The following UXS1 variants were observed in gnomAD, a reference collection of about 807,000 sequenced individuals.
UXS1 encodes the protein UDP-glucuronate decarboxylase 1.
UXS1 carries 33 observed loss-of-function variants against 62.6 expected under a neutral mutation model. The ratio of observed to expected loss-of-function variants is 0.53; its 90% CI spans 0.40 to 0.70. The LOEUF is 0.70. UXS1 is among the 30% of genes least tolerant of loss of function. UXS1 has a pLI of 0.00. For synonymous variants in UXS1, 213 were observed against 206.8 expected, an observed-to-expected ratio of 1.03 and a Z score of -0.26; for missense variants, 434 against 556.3, an observed-to-expected ratio of 0.78 and a Z score of 2.21.
rs373615767 is a variant in UXS1 at position 106,123,078 on chromosome 2, G to A, written c.651C>T (p.His217=). Residue 217 remains histidine (H), a synonymous_variant, in exon 9 of 15, where the codon CAC becomes CAT. Coordinates refer to ENST00000283148, the MANE Select transcript of UXS1 (RefSeq NM_001253875.2). ...GGCCCCAGTAATCCTCACTTTGAGG[G>A]TGGACTTCAGGATCTACGATGGGAG... ...TSEVYGDPEV[H]PQSEDYWGHV... is the part of the protein sequence containing the mutation. 4.3e-6 allele frequency: 7 copies of A among 1,613,898 alleles called. No homozygotes were observed. Among genetic ancestry groups the A allele is most frequent in the Non-Finnish European group, 5.9e-6 (7 of 1,179,816 alleles).
chr2:106,140,845 A>G (rs1681043757), intron 6 of UXS1, among the ~76,000 whole-genome samples: 1 of 152,170 alleles, frequency 6.6e-6, no homozygotes. Flanking sequence ...CCACGACACA[A>G]TGCACATTTC....
chr2:106,126,273 T>C (rs1212378453), intron 7 of UXS1, among the ~76,000 whole-genome samples: 1 of 152,208 alleles, frequency 6.6e-6, no homozygotes, highest in East Asian at 1.9e-4. Context: ...TTATCTATGG[T>C]GGTCAAGTAA....
chr2:106,098,898 G>GTGC, intron 12 of UXS1, 125 bp from the exon 13 acceptor site: 5 of 787,152 alleles, frequency 6.4e-6, no homozygotes, highest in Non-Finnish European at 1.1e-5. Flanking sequence ...TGCTTCAGCA[G>GTGC]AGCTCCGTGT....
chr2:106,165,515 T>C (rs116283703), intron 2 of UXS1, among the ~76,000 whole-genome samples: 1,685 of 152,222 alleles, frequency 0.011, 21 homozygotes, highest in Non-Finnish European at 0.018. Context: ...CTGATTTTTT[T>C]AAAGGCTATT....
At chr2:106,111,840 T>C (rs557676096) in intron 10 of UXS1, among the ~76,000 whole-genome samples, 4 of 151,636 alleles carry the variant, frequency 2.6e-5, no homozygotes, top group Non-Finnish European at 4.4e-5. Flanking sequence ...TCGACTCGAG[T>C]CCCACAAAAT....
At chr2:106,120,942 T>C (rs953852588) in intron 9 of UXS1, among the ~76,000 whole-genome samples, 2 of 152,206 alleles carry the variant, frequency 1.3e-5, no homozygotes, top group Non-Finnish European at 2.9e-5. Flanking sequence ...CACGGGGGGC[T>C]TCTAACAGGT....
chr2:106,175,002 C>T (rs994135830), intron 1 of UXS1, among the ~76,000 whole-genome samples: 1 of 152,192 alleles, frequency 6.6e-6, no homozygotes, highest in African/African-American at 2.4e-5. Context: ...AATCCCCCAT[C>T]CTCAATGCCA....
At chr2:106,145,049 T>C (rs1416626310) in intron 6 of UXS1, 141 bp downstream of exon 6, 11 of 916,636 alleles carry the variant, frequency 1.2e-5, no homozygotes, top group Non-Finnish European at 1.3e-5. Flanking sequence ...CGGCACCTCA[T>C]ACATATTGAG....
chr2:106,186,457 T>TATAC (rs375660148), intron 1 of UXS1, among the ~76,000 whole-genome samples: 4 of 148,802 alleles, frequency 2.7e-5, no homozygotes, highest in Non-Finnish European at 4.4e-5. Context: ...TATATATATA[T>TATAC]ACACACACAC....
chr2:106,182,569 G>A lies in UXS1; in HGVS notation c.94+11579C>T, dbSNP rs10198687. 2.1e-3 allele frequency among the ~76,000 whole-genome samples: 324 copies of A among 152,194 alleles called. 2 individuals are homozygous for A. Among genetic ancestry groups the A allele is most frequent in the African/African-American group, 7.7e-3 (318 of 41,510 alleles). On this transcript the variant is annotated intron_variant, in intron 1 of 14. Coordinates refer to ENST00000283148, the MANE Select transcript of UXS1 (RefSeq NM_001253875.2). Reference sequence around the variant, plus strand: ...TTTTGTGTTCAAAAAGGGCAGAGAGGGAAAGAAGGTGAGAGAGGGATCTAG... The same window carrying A: ...TTTTGTGTTCAAAAAGGGCAGAGAGAGAAAGAAGGTGAGAGAGGGATCTAG...
chr2:106,100,739 C>CCCG, intron 12 of UXS1: 1 of 273,668 alleles, frequency 3.7e-6, no homozygotes, highest in Non-Finnish European at 6.9e-6. Flanking sequence ...ATAATGATGA[C>CCCG]CCGCCTGTTA....
intron 1 of UXS1, among the ~76,000 whole-genome samples, chr2:106,169,823 CT>C (rs1184264952): frequency 6.6e-6 from 1 of 152,178 alleles, no homozygotes; most frequent in African/African-American, 2.4e-5. Context: ...GCCCTTTCCC[CT>C]TGCCCACTGC....
At chr2:106,178,620 G>A (rs540601963) in intron 1 of UXS1, among the ~76,000 whole-genome samples, 1 of 152,206 alleles carries the variant, frequency 6.6e-6, no homozygotes, top group South Asian at 2.1e-4. Context: ...ATGTGTGTGT[G>A]TATATATGTT....
At position 106,185,360 on chromosome 2, in the gene UXS1, T is replaced by A. The variant is rs1290372815; in HGVS notation, c.94+8788A>T. Among the ~76,000 whole-genome samples the A allele has an allele frequency of 1.2e-4, 19 of 152,234 alleles. 1 individual carries two copies. Among genetic ancestry groups the A allele is most frequent in the Admixed American group, 1.2e-3 (19 of 15,290 alleles). On this transcript the variant is annotated intron_variant, in intron 1 of 14. Transcript: ENST00000283148. ...AAGATGCCCAAGTCTTAAACCCTGT[T>A]TCTACCTACAGAACACTTCTGATAC...
intron 5 of UXS1, among the ~76,000 whole-genome samples, chr2:106,157,846 G>A (rs921276978): frequency 6.6e-6 from 1 of 152,146 alleles, no homozygotes; most frequent in African/African-American, 2.4e-5. Context: ...GAGGGGACTG[G>A]GAAATGGAAG....
intron 10 of UXS1, among the ~76,000 whole-genome samples, chr2:106,106,822 G>A (rs1251573888): frequency 6.6e-6 from 1 of 152,162 alleles, no homozygotes; most frequent in East Asian, 1.9e-4. Context: ...AGTGCCGTAG[G>A]TGTAACTCTT....
At chr2:106,100,479 G>A (rs1385036903) in intron 12 of UXS1, among the ~76,000 whole-genome samples, 2 of 152,210 alleles carry the variant, frequency 1.3e-5, no homozygotes, top group African/African-American at 2.4e-5. Context: ...ATATGAGGAA[G>A]AGCTTTCTGC....
intron 1 of UXS1, among the ~76,000 whole-genome samples, chr2:106,188,222 G>A (rs745975460): frequency 6.6e-6 from 1 of 152,014 alleles, no homozygotes; most frequent in East Asian, 1.9e-4. Flanking sequence ...TCTTGTTTAA[G>A]GAATCAATCC....
chr2:106,111,770 G>A (rs1678631580), intron 10 of UXS1, among the ~76,000 whole-genome samples: 1 of 152,296 alleles, frequency 6.6e-6, no homozygotes, highest in South Asian at 2.1e-4. Flanking sequence ...TCTTCCCCCT[G>A]GAATACACTC....
Sources: allele counts gnomAD v4.1 joint callset (sites outside exome capture counted in the v4.1 genomes callset), GRCh38; gene constraint gnomAD v4.1.1; transcripts MANE v1.5; gene names NCBI Gene and HGNC (gene_info 2026-07-23, HGNC 2026-07-21).